ZBTB2: variants seen among roughly 807,000 people sequenced by gnomAD.
The protein encoded by ZBTB2 is zinc finger and BTB domain-containing protein 2.
A neutral mutation model predicts 39.5 loss-of-function variants in ZBTB2; 2 were observed. The observed-to-expected ratio is 0.05, with a 90% CI of 0.02 to 0.16. The LOEUF (loss-of-function observed/expected upper bound fraction) is 0.16. ZBTB2 is among the 10% of genes least tolerant of loss of function. ZBTB2 has a pLI of 1.00. For missense variants in ZBTB2, 391 were observed against 653.0 expected (o/e 0.60, Z 4.37); for synonymous variants, 251 against 256.6 (o/e 0.98, Z 0.21).
intron 1 of ZBTB2, among the ~76,000 whole-genome samples, chr6:151,388,852 C>T (rs1248412387): frequency 1.8e-4 from 28 of 152,296 alleles, no homozygotes; most frequent in Admixed American, 1.8e-3. Context: ...TCAGCATCAA[C>T]GTATTTACAT....
intron 1 of ZBTB2, among the ~76,000 whole-genome samples, chr6:151,382,745 G>C (rs577423973): frequency 2.6e-5 from 4 of 151,530 alleles, no homozygotes; most frequent in Admixed American, 6.6e-5. Flanking sequence ...TAGTAGAGAC[G>C]GGATTTTACC....
At chr6:151,387,219 C>T (rs1403141066) in intron 1 of ZBTB2, among the ~76,000 whole-genome samples, 1 of 152,154 alleles carries the variant, frequency 6.6e-6, no homozygotes, top group African/African-American at 2.4e-5. Flanking sequence ...ATTAACTTTT[C>T]CTACTCTATT....
intron 1 of ZBTB2, among the ~76,000 whole-genome samples, chr6:151,389,931 T>C (rs1209807296): frequency 2.0e-5 from 3 of 152,012 alleles, no homozygotes; most frequent in Non-Finnish European, 4.4e-5. Context: ...TCTTGCGGCT[T>C]TGTTTAAACA....
chr6:151,369,686 G>A (rs1336161922), intron 2 of ZBTB2, among the ~76,000 whole-genome samples: 2 of 152,008 alleles, frequency 1.3e-5, no homozygotes, highest in Admixed American at 6.6e-5. Flanking sequence ...TAAAAAACAG[G>A]TGGAGGCTGG....
intron 1 of ZBTB2, among the ~76,000 whole-genome samples, chr6:151,388,151 A>G (rs1315010255): frequency 6.6e-6 from 1 of 152,170 alleles, no homozygotes; most frequent in Non-Finnish European, 1.5e-5. Flanking sequence ...AGCATAAGAA[A>G]ATAGGAAAAG....
intron 1 of ZBTB2, among the ~76,000 whole-genome samples, 194 bp from the exon 2 acceptor site, chr6:151,373,843 T>TAAAAAAAAAAAAA (rs200070063): frequency 6.5e-5 from 3 of 45,996 alleles, no homozygotes; most frequent in African/African-American, 1.9e-4. Context: ...ATTATGCCTT[T>TAAAAAAAAAAAAA]AAAAAAAAAA....
At chr6:151,370,359 A>C (rs1778761835) in intron 2 of ZBTB2, among the ~76,000 whole-genome samples, 1 of 152,176 alleles carries the variant, frequency 6.6e-6, no homozygotes, top group Non-Finnish European at 1.5e-5. Flanking sequence ...TGGTTGACAT[A>C]CTTTCATGTA....
chr6:151,366,873 G>C lies in ZBTB2; in HGVS notation c.193C>G (p.Pro65Ala). 2 of 1,609,608 alleles carry C rather than the reference G, an allele frequency of 1.2e-6. No individual in the cohort carries two copies. The highest frequency in any genetic ancestry group is 2.2e-5 in the South Asian group (2 of 90,776). The change falls in exon 3 of 3, where the codon CCA (proline) becomes GCA (alanine). Residue 65 changes from proline to alanine, a missense_variant. Pro to Ala is a conservative substitution (Grantham distance 27). Transcript: ENST00000325144. The surrounding 1 kb of genome is among the most constrained non-coding windows in gnomAD (Gnocchi z 7.1). ...HQTSECVRLKPTDIQPDIFSY... is the reference protein window; with the variant it reads ...HQTSECVRLKATDIQPDIFSY... ...AAGATGTCGGGCTGTATGTCAGTTG[G>C]TTTCAAGCGGACACACTCACTGAAA...
Position 151,370,904 on chromosome 6 carries a change from T to G in ZBTB2, c.173+2561A>C, listed in dbSNP as rs559949032. 1.6e-3 allele frequency among the ~76,000 whole-genome samples: 238 copies of G among 152,352 alleles called. 2 individuals are homozygous for G. The highest frequency in any genetic ancestry group is 5.5e-3 in the African/African-American group (230 of 41,580). On this transcript the variant is annotated intron_variant, in intron 2 of 2. Transcript: ENST00000325144. ...CAGTAATACACCTGTTGCTTTACAC[T>G]GTTGTATTACACAAATATCACACCT... is the stretch of plus-strand genomic sequence containing the variant.
chr6:151,385,541 T>C (rs574948509), intron 1 of ZBTB2, among the ~76,000 whole-genome samples: 3 of 152,220 alleles, frequency 2.0e-5, no homozygotes, highest in Non-Finnish European at 4.4e-5. Flanking sequence ...CTTGTGGAAA[T>C]TGTTGATTCA....
chr6:151,376,367 T>C (rs1268617581), intron 1 of ZBTB2, among the ~76,000 whole-genome samples: 1 of 152,118 alleles, frequency 6.6e-6, no homozygotes, highest in Non-Finnish European at 1.5e-5. Flanking sequence ...AAACTTTTGC[T>C]CTCCGAAAGA....
At chr6:151,373,843 T>TTA (rs370855313) in intron 1 of ZBTB2, among the ~76,000 whole-genome samples, 194 bp from the exon 2 acceptor site, 9 of 45,996 alleles carry the variant, frequency 2.0e-4, no homozygotes, top group Non-Finnish European at 3.2e-4. Context: ...ATTATGCCTT[T>TTA]AAAAAAAAAA....
Position 151,387,520 on chromosome 6 carries a change from A to T in ZBTB2, c.-13+3900T>A, listed in dbSNP as rs893622089. On this transcript the variant is annotated intron_variant, in intron 1 of 2. Coordinates refer to ENST00000325144, the MANE Select transcript of ZBTB2 (RefSeq NM_020861.3). Reference sequence around the variant, plus strand: ...GTTCAGAATCACTTTGGGGACTCAGAGAACCTAAATGACTCTCCCGGTGCA... The same window carrying T: ...GTTCAGAATCACTTTGGGGACTCAGTGAACCTAAATGACTCTCCCGGTGCA... 8.5e-5 allele frequency among the ~76,000 whole-genome samples: 13 copies of T among 152,218 alleles called. 1 individual carries two copies. The highest frequency in any genetic ancestry group is 2.9e-5 in the Non-Finnish European group (2 of 68,036).
At chr6:151,389,602 T>C (rs746052395) in intron 1 of ZBTB2, among the ~76,000 whole-genome samples, 1 of 152,190 alleles carries the variant, frequency 6.6e-6, no homozygotes, top group African/African-American at 2.4e-5. Flanking sequence ...TTCTTTATGC[T>C]TTATTTTACT....
chr6:151,370,083 T>C (rs914444070), intron 2 of ZBTB2: 1 of 977,386 alleles, frequency 1.0e-6, no homozygotes, highest in African/African-American at 1.8e-5. Flanking sequence ...GGAAAGGACA[T>C]AGTTCTCTAC....
rs139821404 is a variant in ZBTB2 at position 151,377,015 on chromosome 6, G to A, written c.-12-3366C>T. The stretch of plus-strand genomic sequence containing the variant: ...GAGGAAAACTACTCAGCCATAAGAA[G>A]AAACGACCTACTGATAACGTACAAC... On this transcript the variant is annotated intron_variant, in intron 1 of 2. Coordinates refer to ENST00000325144, the MANE Select transcript of ZBTB2 (RefSeq NM_020861.3). Among the ~76,000 whole-genome samples the A allele has an allele frequency of 1.4e-3, 213 of 152,260 alleles. 1 individual carries two copies. The highest frequency in any genetic ancestry group is 2.6e-3 in the Non-Finnish European group (179 of 68,022).
chr6:151,375,731 A>C (rs1293425162), intron 1 of ZBTB2, among the ~76,000 whole-genome samples: 1 of 151,968 alleles, frequency 6.6e-6, no homozygotes, highest in Admixed American at 6.6e-5. Context: ...AACCTGGCTA[A>C]GTTTTTTTTG....
At chr6:151,374,071 T>C (rs1778848993) in intron 1 of ZBTB2, among the ~76,000 whole-genome samples, 1 of 152,088 alleles carries the variant, frequency 6.6e-6, no homozygotes, top group Non-Finnish European at 1.5e-5. Flanking sequence ...GTCTTTTAGT[T>C]TAAGATTCCA....
chr6:151,374,930 T>TAAAAAAAAAAAAAAAAAAAAA (rs71556221), intron 1 of ZBTB2, among the ~76,000 whole-genome samples: 3 of 63,832 alleles, frequency 4.7e-5, no homozygotes, highest in African/African-American at 1.1e-4. Flanking sequence ...CCGTCTCTAC[T>TAAAAAAAAAAAAAAAAAAAAA]AAAAAAAAAA....
Sources: gnomAD v4.1 joint callset for allele counts (sites outside exome capture counted in the v4.1 genomes callset) on GRCh38, gnomAD v4.1.1 for gene constraint, Gnocchi (gnomAD v3.1) non-coding constraint, MANE v1.5 for transcripts, NCBI Gene and HGNC (gene_info 2026-07-23, HGNC 2026-07-21) for gene names.